The following SLC5A1 variants were observed in gnomAD, a reference collection of about 807,000 sequenced individuals.
SLC5A1 encodes the protein sodium/glucose cotransporter 1.
A neutral mutation model predicts 73.5 loss-of-function variants in SLC5A1; 42 were observed. That is an observed-to-expected ratio of 0.57 (90% CI 0.45 to 0.74). The LOEUF (loss-of-function observed/expected upper bound fraction) is 0.74. Among genes scored for constraint, SLC5A1 ranks in the 30% least tolerant of loss-of-function variants. SLC5A1 has a pLI of 0.00. For missense variants in SLC5A1, 634 were observed against 855.4 expected (o/e 0.74, Z 3.23); for synonymous variants, 300 against 317.4 (o/e 0.95, Z 0.58).
At chr22:32,064,688 A>G (rs113868695) in intron 2 of SLC5A1, among the ~76,000 whole-genome samples, 9 of 152,224 alleles carry the variant, frequency 5.9e-5, no homozygotes, top group African/African-American at 2.2e-4. Flanking sequence ...ACCTATCAAC[A>G]GAGCCTGCCA....
rs1046807921 is a variant in SLC5A1 at position 32,097,668 on chromosome 22, GAGA to G, written c.1281-1507_1281-1505del. Reference sequence around the variant, plus strand: ...GAAGAAGACAAAAGGGAAGAAGGAGGAGAAGAAGAAAACAATAATAATAGTTTT... The same window carrying G: ...GAAGAAGACAAAAGGGAAGAAGGAGGAGAAGAAAACAATAATAATAGTTTT... On this transcript the variant is annotated intron_variant, in intron 11 of 14. Coordinates refer to ENST00000266088, the MANE Select transcript of SLC5A1 (RefSeq NM_000343.4). Among the ~76,000 whole-genome samples the G allele has an allele frequency of 3.5e-3, 534 of 152,196 alleles. 3 individuals carry two copies. The highest frequency in any genetic ancestry group is 5.8e-3 in the Non-Finnish European group (394 of 68,004).
At chr22:32,061,297 C>T (rs2093962477) in intron 2 of SLC5A1, among the ~76,000 whole-genome samples, 1 of 152,062 alleles carries the variant, frequency 6.6e-6, no homozygotes, top group South Asian at 2.1e-4. Context: ...CAGCTGTAGT[C>T]CCAGCTACTT....
chr22:32,102,355 C>G, intron 13 of SLC5A1, 118 bp downstream of exon 13: 5 of 777,186 alleles, frequency 6.4e-6, no homozygotes, highest in Non-Finnish European at 1.1e-5. Flanking sequence ...TTATGGGGTA[C>G]ATGTAATGTT....
chr22:32,087,869 G>C (rs1431806408), intron 10 of SLC5A1, among the ~76,000 whole-genome samples: 1 of 152,176 alleles, frequency 6.6e-6, no homozygotes, highest in Non-Finnish European at 1.5e-5. Context: ...CCAATAGAGG[G>C]GAGGTGAGTT....
chr22:32,069,913 C>T (rs1255303222), intron 5 of SLC5A1, among the ~76,000 whole-genome samples: 1 of 152,164 alleles, frequency 6.6e-6, no homozygotes, highest in African/African-American at 2.4e-5. Flanking sequence ...GAGTAGAATC[C>T]AGGTCTCCGA....
Position 32,062,632 on chromosome 22 carries a change from G to A in SLC5A1, c.208-4303G>A, listed in dbSNP as rs933575028. On this transcript the variant is annotated intron_variant, in intron 2 of 14. Coordinates refer to ENST00000266088, the MANE Select transcript of SLC5A1 (RefSeq NM_000343.4). ...TGAAATCCTGAATTCACAGGAACAT[G>A]GGGGAGAAATTCTAGAGAAGGACGT... is the stretch of plus-strand genomic sequence containing the variant. 1.3e-5 allele frequency among the ~76,000 whole-genome samples: 2 copies of A among 152,192 alleles called. 1 individual carries two copies. The highest frequency in any genetic ancestry group is 4.8e-5 in the African/African-American group (2 of 41,440).
intron 11 of SLC5A1, among the ~76,000 whole-genome samples, chr22:32,097,327 A>C (rs879489401): frequency 6.6e-6 from 1 of 152,196 alleles, no homozygotes; most frequent in Non-Finnish European, 1.5e-5. Context: ...TAAGTCCATA[A>C]TGGTGGGTGG....
intron 14 of SLC5A1, among the ~76,000 whole-genome samples, chr22:32,109,478 G>A (rs2094052323): frequency 6.6e-6 from 1 of 152,188 alleles, no homozygotes; most frequent in African/African-American, 2.4e-5. Flanking sequence ...GCCGCAACAG[G>A]AGCTGTTCAG....
chr22:32,073,712 A>T (rs1223605104), intron 5 of SLC5A1, among the ~76,000 whole-genome samples: 2 of 152,066 alleles, frequency 1.3e-5, no homozygotes, highest in Admixed American at 6.5e-5. Flanking sequence ...ACACGCCACC[A>T]TGCCTGGCTA....
At chr22:32,080,508 A>G (rs1281183650) in intron 5 of SLC5A1, among the ~76,000 whole-genome samples, 1 of 152,102 alleles carries the variant, frequency 6.6e-6, no homozygotes, top group African/African-American at 2.4e-5. Flanking sequence ...GGACTGGGAA[A>G]CGGAACTAGA....
At chr22:32,066,443 C>G (rs965530203) in intron 2 of SLC5A1, among the ~76,000 whole-genome samples, 6 of 152,150 alleles carry the variant, frequency 3.9e-5, no homozygotes, top group Admixed American at 2.0e-4. Context: ...CCTCATTTGA[C>G]CAAATGACTA....
At chr22:32,087,767 AAAAATTTAGAAT>A in intron 10 of SLC5A1, among the ~76,000 whole-genome samples, 1 of 152,320 alleles carries the variant, frequency 6.6e-6, no homozygotes, top group East Asian at 1.9e-4. Context: ...TATTACCTAG[AAAAATTTAGAAT>A]AAACCTATAA....
chr22:32,062,401 T>A (rs1041772185), intron 2 of SLC5A1, among the ~76,000 whole-genome samples: 2 of 152,214 alleles, frequency 1.3e-5, no homozygotes, highest in Admixed American at 1.3e-4. Context: ...CCTTTCTGCA[T>A]TTTGTGATGT....
chr22:32,089,369 A>C (rs937791405), intron 10 of SLC5A1, among the ~76,000 whole-genome samples: 11 of 152,236 alleles, frequency 7.2e-5, no homozygotes, highest in African/African-American at 2.2e-4. Flanking sequence ...TGAGACCATA[A>C]ATTATTTAAA....
intron 12 of SLC5A1, among the ~76,000 whole-genome samples, chr22:32,101,774 C>T (rs2094036715): frequency 6.6e-6 from 1 of 152,048 alleles, no homozygotes; most frequent in Admixed American, 6.6e-5. Flanking sequence ...ATTATGGCTC[C>T]TTGTTTAATG....
At chr22:32,060,180 CACACACAT>C (rs879619626) in intron 2 of SLC5A1, among the ~76,000 whole-genome samples, 6,492 of 118,302 alleles carry the variant, frequency 0.055, 221 homozygotes, top group Non-Finnish European at 0.082. Flanking sequence ...CACACACACA[CACACACAT>C]ATATATATAT....
chr22:32,103,796 C>T (rs940179564), intron 13 of SLC5A1, among the ~76,000 whole-genome samples: 5 of 152,176 alleles, frequency 3.3e-5, no homozygotes, highest in African/African-American at 1.2e-4. Flanking sequence ...ATATCAAAGT[C>T]TAATTGATTC....
intron 10 of SLC5A1, among the ~76,000 whole-genome samples, chr22:32,089,942 A>G (rs1024660285): frequency 1.3e-5 from 2 of 152,124 alleles, no homozygotes; most frequent in Non-Finnish European, 2.9e-5. Context: ...CATAATTGAG[A>G]AAACTTTAAT....
intron 5 of SLC5A1, among the ~76,000 whole-genome samples, chr22:32,076,818 A>C (rs570177008): frequency 3.5e-4 from 54 of 152,292 alleles, no homozygotes; most frequent in African/African-American, 1.3e-3. Flanking sequence ...CCAATCAGAG[A>C]CTCAGTTACT....
Sources: allele counts gnomAD v4.1 joint callset (sites outside exome capture counted in the v4.1 genomes callset), GRCh38; gene constraint gnomAD v4.1.1; transcripts MANE v1.5; gene names NCBI Gene and HGNC (gene_info 2026-07-23, HGNC 2026-07-21).